The following STK36 variants were observed in gnomAD, a reference collection of about 807,000 sequenced individuals.
STK36 encodes the protein serine/threonine-protein kinase 36.
STK36 carries 116 observed loss-of-function variants against 142.2 expected under a neutral mutation model. The ratio of observed to expected loss-of-function variants is 0.82; its 90% CI spans 0.70 to 0.95. STK36 has a LOEUF of 0.95. Among genes scored for constraint, STK36 ranks in the 40% least tolerant of loss-of-function variants. The pLI, the probability that STK36 is intolerant of heterozygous loss-of-function variation, is 0.00. For synonymous variants in STK36, 619 were observed against 641.7 expected (o/e 0.96, Z 0.53); for missense variants, 1,422 against 1,617.2 (o/e 0.88, Z 2.07).
chr2:218,679,737 G>A lies in STK36; in HGVS notation c.948+8G>A. 1.2e-6 allele frequency: 2 copies of A among 1,614,054 alleles called. No individual in the cohort carries two copies. The highest frequency in any genetic ancestry group is 8.5e-7 in the Non-Finnish European group (1 of 1,179,946). The stretch of plus-strand genomic sequence containing the variant: ...GAGGAGGCCATGCAGAAGGTGTGTG[G>A]GGCAGAGGAAAATATGTGAAATGAC... On this transcript the variant is annotated splice_region_variant and intron_variant, in intron 8 of 26. Transcript: ENST00000295709.
At position 218,697,955 on chromosome 2, in the gene STK36, T is replaced by C. The variant is rs1941299571; in HGVS notation, c.3011T>C (p.Val1004Ala). The C allele has an allele frequency of 6.2e-7, 1 of 1,614,200 alleles. No individual in the cohort carries two copies. Among genetic ancestry groups the C allele is most frequent in the Admixed American group, 1.7e-5 (1 of 60,018 alleles). ...ATGGATGCTGACCTCCTTATAGGTG[T>C]CTTGGCCGACCTCAGGGACTCAGAA... The part of the protein sequence containing the change: ...LDMDADLLIG[V>A]LADLRDSEVA... The change falls in exon 25 of 27, where the codon GTC becomes GCC. Residue 1004 changes from valine to alanine, a missense_variant. By Grantham distance (64) the Val-to-Ala change is moderately conservative. Transcript: ENST00000295709.
chr2:218,674,492 T>C (rs1356622849), intron 4 of STK36, among the ~76,000 whole-genome samples: 1 of 152,236 alleles, frequency 6.6e-6, no homozygotes, highest in Non-Finnish European at 1.5e-5. Flanking sequence ...CGTTTGTCTG[T>C]ACCCAAGCAA....
intron 25 of STK36, among the ~76,000 whole-genome samples, 170 bp downstream of exon 25, chr2:218,698,171 G>A (rs935041702): frequency 3.9e-5 from 6 of 152,180 alleles, no homozygotes; most frequent in African/African-American, 1.4e-4. Context: ...ATGTGGTGGA[G>A]GCATGTGGTG....
chr2:218,681,523 C>A (rs952811675), intron 10 of STK36, among the ~76,000 whole-genome samples: 1 of 151,998 alleles, frequency 6.6e-6, no homozygotes, highest in Non-Finnish European at 1.5e-5. Flanking sequence ...CAAATAATTC[C>A]TGTGTATACC....
At chr2:218,679,317 C>A in intron 7 of STK36, 56 bp downstream of exon 7, 1 of 1,527,164 alleles carries the variant, frequency 6.5e-7, no homozygotes, top group Non-Finnish European at 9.0e-7. Context: ...CTCTAAACTA[C>A]TTCCCTTTCA....
intron 10 of STK36, among the ~76,000 whole-genome samples, chr2:218,684,413 C>CCTTTT (rs1940684014): frequency 2.1e-5 from 1 of 48,494 alleles, no homozygotes; most frequent in Non-Finnish European, 4.7e-5. Context: ...CTGCGCCTGG[C>CCTTTT]CTTTTTTTTT....
chr2:218,674,088 T>C (rs1360216679), intron 4 of STK36, 132 bp downstream of exon 4: 2 of 837,948 alleles, frequency 2.4e-6, no homozygotes, highest in African/African-American at 3.4e-5. Context: ...TCTAGGTATA[T>C]AGAGGCAGTG....
chr2:218,676,685 G>A (rs958573032), intron 6 of STK36, among the ~76,000 whole-genome samples: 4 of 133,052 alleles, frequency 3.0e-5, no homozygotes, highest in Non-Finnish European at 6.1e-5. Context: ...GTCTCGCTCT[G>A]TCACCCAGGC....
chr2:218,679,695 C>T lies in STK36; in HGVS notation c.914C>T (p.Ala305Val), dbSNP rs774397382. 1 of 1,614,158 alleles carries T rather than the reference C, an allele frequency of 6.2e-7. No individual in the cohort carries two copies. Among genetic ancestry groups the T allele is most frequent in the South Asian group, 1.1e-5 (1 of 91,088 alleles). Residue 305 changes from alanine (A) to valine (V), a missense_variant, in exon 8 of 27, where the codon GCC becomes GTC. Transcript: ENST00000295709. ...AATCAGTCTCGCATCTTGACTCAGGCCTATAAACGCATGGCTGAGGAGGCC... is the reference window on the plus strand; with the variant it reads ...AATCAGTCTCGCATCTTGACTCAGGTCTATAAACGCATGGCTGAGGAGGCC... ...KGNQSRILTQAYKRMAEEAMQ... is the reference protein window; with the variant it reads ...KGNQSRILTQVYKRMAEEAMQ...
chr2:218,672,394 G>A, intron 1 of STK36, 179 bp downstream of exon 1: 1 of 297,238 alleles, frequency 3.4e-6, no homozygotes. Flanking sequence ...CCTGCGAAGC[G>A]CACGGGCCAG....
chr2:218,689,011 T>C (rs1940891135), intron 12 of STK36, 135 bp downstream of exon 12: 2 of 938,500 alleles, frequency 2.1e-6, no homozygotes, highest in East Asian at 2.8e-5. Flanking sequence ...AGTAGACTAT[T>C]AATTGCAAAC....
intron 11 of STK36, among the ~76,000 whole-genome samples, chr2:218,687,464 A>G (rs2106355977): frequency 6.6e-6 from 1 of 152,332 alleles, no homozygotes; most frequent in East Asian, 1.9e-4. Flanking sequence ...TCGTTTTTGC[A>G]TGTGGATATA....
intron 7 of STK36, 76 bp downstream of exon 7, chr2:218,679,337 C>A: frequency 6.9e-7 from 1 of 1,446,386 alleles, no homozygotes; most frequent in Non-Finnish European, 9.7e-7. Flanking sequence ...ACTTCCCCGA[C>A]CATCTAGATA....
At position 218,693,349 on chromosome 2, in the gene STK36, T is replaced by C; in HGVS notation, c.2148+5T>C. 1 of 1,612,194 alleles carries C rather than the reference T, an allele frequency of 6.2e-7. No homozygotes were observed. Among genetic ancestry groups the C allele is most frequent in the Non-Finnish European group, 8.5e-7 (1 of 1,178,462 alleles). ...CTGTGCCTGCACCTTCTCAAGGTAA[T>C]CCTCTTAACTCCTGGCATCACAGCT... On this transcript the variant is annotated splice_donor_5th_base_variant and intron_variant, in intron 17 of 26. Transcript: ENST00000295709.
In STK36 at chr2:218,680,586, T is replaced by C. The variant is rs2303565; in HGVS notation, c.1137-17T>C. The stretch of plus-strand genomic sequence containing the variant: ...ATAGGTTTGGAACCCGTTCTACCCC[T>C]TGGCTTCCTCCGGCAGGGAAAACCG... On this transcript the variant is annotated splice_polypyrimidine_tract_variant and intron_variant, in intron 9 of 26. Coordinates refer to ENST00000295709, the MANE Select transcript of STK36 (RefSeq NM_015690.5). The C allele has an allele frequency of 0.45, 719,558 of 1,603,632 alleles. 171,418 individuals carry two copies. The highest frequency in any genetic ancestry group is 0.86 in the African/African-American group (64,643 of 74,860).
rs114191000 is a variant in STK36 at position 218,688,884 on chromosome 2, C to T, written c.1560+8C>T. 1.3e-4 allele frequency: 201 copies of T among 1,600,758 alleles called. No homozygotes were observed. Among genetic ancestry groups the T allele is most frequent in the Middle Eastern group, 2.2e-4 (1 of 4,604 alleles). ...AGCAACAGCCTCCAGCAGGTAAGCA[C>T]CAGGCCAGAAGCCTCTGAAGACTTA... On this transcript the variant is annotated splice_region_variant and intron_variant, in intron 12 of 26. Coordinates refer to ENST00000295709, the MANE Select transcript of STK36 (RefSeq NM_015690.5).
Position 218,694,535 on chromosome 2 carries a change from C to G in STK36, c.2411C>G (p.Ala804Gly), listed in dbSNP as rs1449387819. The G allele has an allele frequency of 6.2e-7, 1 of 1,614,148 alleles. No individual in the cohort carries two copies. The highest frequency in any genetic ancestry group is 1.7e-5 in the Admixed American group (1 of 60,024). The change falls in exon 21 of 27, where the codon GCC becomes GGC. Residue 804 changes from alanine (A) to glycine (G), a missense_variant. Physicochemically the swap from Ala to Gly is moderately conservative, Grantham distance 60. Coordinates refer to ENST00000295709, the MANE Select transcript of STK36 (RefSeq NM_015690.5). The surrounding 1 kb of genome is among the most constrained non-coding windows in gnomAD (Gnocchi z 4.4). The part of the protein sequence containing the change: ...SHVVSLVSAA[A>G]CLLGQLGQQG... Reference sequence around the variant, plus strand: ...TTACCTCTCCCACAGAGTGCAGCAGCCTGTCTATTGGGACAGCTTGGTCAG... The same window carrying G: ...TTACCTCTCCCACAGAGTGCAGCAGGCTGTCTATTGGGACAGCTTGGTCAG...
intron 12 of STK36, 87 bp from the exon 13 acceptor site, chr2:218,689,772 G>A (rs1940921454): frequency 8.3e-7 from 1 of 1,204,574 alleles, no homozygotes; most frequent in Non-Finnish European, 1.2e-6. Flanking sequence ...ACTTGACTGG[G>A]TCTCTATACA....
chr2:218,680,134 ACT>A, intron 9 of STK36, 54 bp downstream of exon 9: 3 of 1,555,372 alleles, frequency 1.9e-6, no homozygotes, highest in Non-Finnish European at 2.6e-6. Context: ...CACATCTTTA[ACT>A]CTAGCCAAAG....
Sources: allele counts gnomAD v4.1 joint callset (sites outside exome capture counted in the v4.1 genomes callset), GRCh38; gene constraint gnomAD v4.1.1; non-coding constraint Gnocchi (gnomAD v3.1); transcripts MANE v1.5; gene names NCBI Gene and HGNC (gene_info 2026-07-23, HGNC 2026-07-21).